GRIK2: variants seen among roughly 807,000 people sequenced by gnomAD.
GRIK2 encodes the protein glutamate receptor ionotropic, kainate 2.
A neutral mutation model predicts 100.3 loss-of-function variants in GRIK2; 32 were observed. The observed-to-expected ratio is 0.32, with a 90% CI of 0.24 to 0.43. The LOEUF (loss-of-function observed/expected upper bound fraction) is 0.43, where lower values mean the gene tolerates loss of function less well. Among genes scored for constraint, GRIK2 ranks in the 20% least tolerant of loss-of-function variants. GRIK2 has a pLI of 1.00. For missense variants in GRIK2, 843 were observed against 1,114.9 expected (o/e 0.76, Z 3.47); for synonymous variants, 417 against 389.4 (o/e 1.07, Z -0.83).
chr6:101,714,208 G>T (rs1194235736), intron 7 of GRIK2, among the ~76,000 whole-genome samples: 1 of 151,322 alleles, frequency 6.6e-6, no homozygotes, highest in African/African-American at 2.4e-5. Context: ...TTTGTCAGGA[G>T]AACCAAAAAG....
At chr6:101,679,261 C>T (rs1016140189) in intron 5 of GRIK2, among the ~76,000 whole-genome samples, 14 of 152,118 alleles carry the variant, frequency 9.2e-5, no homozygotes, top group Non-Finnish European at 1.8e-4. Flanking sequence ...ATAGGCCCCC[C>T]TCATATTGTT....
At chr6:101,564,773 A>T (rs975698989) in intron 2 of GRIK2, among the ~76,000 whole-genome samples, 2 of 152,128 alleles carry the variant, frequency 1.3e-5, no homozygotes, top group Non-Finnish European at 2.9e-5. Context: ...CCATGGATCC[A>T]ATGTGATCCT....
At chr6:101,614,041 C>A (rs548051449) in intron 2 of GRIK2, among the ~76,000 whole-genome samples, 1 of 151,722 alleles carries the variant, frequency 6.6e-6, no homozygotes, top group Admixed American at 6.6e-5. Context: ...ATAAGTTTGT[C>A]ATTCCTGGAG....
chr6:101,912,558 C>T (rs1582520468), intron 12 of GRIK2, among the ~76,000 whole-genome samples: 1 of 151,678 alleles, frequency 6.6e-6, no homozygotes, highest in East Asian at 1.9e-4. Flanking sequence ...AAAAGCAGTG[C>T]TTTCATTGAT....
chr6:101,965,213 C>T (rs1047328392), intron 14 of GRIK2, among the ~76,000 whole-genome samples: 2 of 152,078 alleles, frequency 1.3e-5, no homozygotes, highest in South Asian at 2.1e-4. Flanking sequence ...TTTTTGATCT[C>T]AGGACATGTG....
intron 14 of GRIK2, among the ~76,000 whole-genome samples, chr6:101,938,749 T>G (rs2128474919): frequency 6.6e-6 from 1 of 152,218 alleles, no homozygotes; most frequent in East Asian, 1.9e-4. Flanking sequence ...TAAGGTATGC[T>G]TTCTTAATTT....
intron 2 of GRIK2, among the ~76,000 whole-genome samples, chr6:101,553,842 A>T (rs1435250094): frequency 6.6e-6 from 1 of 152,230 alleles, no homozygotes; most frequent in African/African-American, 2.4e-5. Flanking sequence ...AACAGGAAAA[A>T]GCAGAATGTA....
chr6:101,981,083 A>T (rs1440012810), intron 14 of GRIK2, among the ~76,000 whole-genome samples: 1 of 151,770 alleles, frequency 6.6e-6, no homozygotes, highest in African/African-American at 2.4e-5. Flanking sequence ...TGCCTGGAAC[A>T]CATGTGTTCC....
intron 2 of GRIK2, among the ~76,000 whole-genome samples, chr6:101,576,917 C>T (rs1262786105): frequency 2.6e-5 from 4 of 151,936 alleles, no homozygotes; most frequent in Admixed American, 6.6e-5. Context: ...TAGTACATAG[C>T]GGAGGCCACA....
chr6:101,434,731 C>T (rs1218833018), intron 2 of GRIK2, among the ~76,000 whole-genome samples: 1 of 152,100 alleles, frequency 6.6e-6, no homozygotes, highest in Non-Finnish European at 1.5e-5. Context: ...ATGTCACACA[C>T]CCGGTCCCTC....
At chr6:101,773,632 T>C (rs1778552137) in intron 7 of GRIK2, among the ~76,000 whole-genome samples, 1 of 152,144 alleles carries the variant, frequency 6.6e-6, no homozygotes, top group African/African-American at 2.4e-5. Context: ...ATATTATCAG[T>C]TGTTAACATA....
intron 10 of GRIK2, among the ~76,000 whole-genome samples, chr6:101,821,681 T>C (rs1210177048): frequency 1.3e-5 from 2 of 152,188 alleles, no homozygotes; most frequent in Non-Finnish European, 2.9e-5. Context: ...TTCTGAATAC[T>C]CTGACTTCAA....
intron 7 of GRIK2, among the ~76,000 whole-genome samples, chr6:101,780,568 T>G (rs928748459): frequency 1.3e-5 from 2 of 152,162 alleles, no homozygotes; most frequent in African/African-American, 2.4e-5. Flanking sequence ...TCAATATAAC[T>G]TGAATTAAAA....
chr6:101,845,552 T>A (rs1391860198), intron 10 of GRIK2, among the ~76,000 whole-genome samples: 2 of 152,234 alleles, frequency 1.3e-5, no homozygotes, highest in African/African-American at 4.8e-5. Context: ...TTAGTTTATC[T>A]GTGAAACCAC....
intron 2 of GRIK2, among the ~76,000 whole-genome samples, chr6:101,530,918 C>A (rs1399049538): frequency 6.6e-6 from 1 of 151,804 alleles, no homozygotes; most frequent in African/African-American, 2.4e-5. Context: ...GAGCCATTGA[C>A]GAATACTGGT....
At chr6:101,445,205 G>A (rs1426700943) in intron 2 of GRIK2, among the ~76,000 whole-genome samples, 1 of 152,008 alleles carries the variant, frequency 6.6e-6, no homozygotes, top group East Asian at 1.9e-4. Context: ...ATTGTATTTA[G>A]AGACTTAGTA....
In GRIK2 at chr6:102,068,745, CCTT is replaced by C; in HGVS notation, c.*240_*242del. On this transcript the variant is annotated 3_prime_UTR_variant, in exon 17 of 17. Transcript: ENST00000369134. ...TTACACTGTTAATCATGGGTTCCTC[CCTT>C]CTTCTGAGTGAATGTTAACATGCGC... 5.6e-6 allele frequency: 2 copies of C among 357,344 alleles called. No individual in the cohort carries two copies. Among genetic ancestry groups the C allele is most frequent in the East Asian group, 4.7e-5 (1 of 21,256 alleles). 22.1% of individuals were successfully genotyped at this position (357,344 alleles called of 1,614,324 possible).
intron 10 of GRIK2, among the ~76,000 whole-genome samples, chr6:101,846,984 C>G (rs924173656): frequency 7.1e-6 from 1 of 141,578 alleles, no homozygotes; most frequent in Non-Finnish European, 1.5e-5. Context: ...TTTTTTTTTT[C>G]TGTTCTCTCT....
At chr6:101,474,140 G>A (rs563022297) in intron 2 of GRIK2, among the ~76,000 whole-genome samples, 2 of 151,822 alleles carry the variant, frequency 1.3e-5, no homozygotes, top group Admixed American at 6.6e-5. Context: ...ACTCTCTTCT[G>A]TTAGGTCAAT....
Sources: gnomAD v4.1 joint callset for allele counts (sites outside exome capture counted in the v4.1 genomes callset) on GRCh38, gnomAD v4.1.1 for gene constraint, MANE v1.5 for transcripts, NCBI Gene and HGNC (gene_info 2026-07-23, HGNC 2026-07-21) for gene names.